Variants in PDZRN3 observed in about 807,000 individuals in gnomAD.
PDZRN3 encodes E3 ubiquitin-protein ligase PDZRN3.
PDZRN3 carries 38 observed loss-of-function variants against 85.7 expected under a neutral mutation model. The ratio of observed to expected loss-of-function variants is 0.44; its 90% confidence interval spans 0.34 to 0.58. The LOEUF is 0.58. Ranked by LOEUF, PDZRN3 falls within the 20% of genes least tolerant of loss-of-function variation. The pLI is 0.01. For synonymous variants in PDZRN3, 759 were observed against 638.0 expected (o/e 1.19, Z -2.86); for missense variants, 1,629 against 1,506.4 (o/e 1.08, Z -1.35).
chr3:73,425,648 G>A (rs1702298934), intron 3 of PDZRN3, among the ~76,000 whole-genome samples: 1 of 151,762 alleles, frequency 6.6e-6, no homozygotes, highest in Non-Finnish European at 1.5e-5. Context: ...GTACTGGGGT[G>A]AAGAGCGAGG....
intron 5 of PDZRN3, among the ~76,000 whole-genome samples, chr3:73,398,504 C>CA (rs1333455208): frequency 6.6e-6 from 1 of 152,202 alleles, no homozygotes; most frequent in Non-Finnish European, 1.5e-5. Flanking sequence ...GTAGTTCCCA[C>CA]ATCTCCTAGG....
chr3:73,528,212 G>A (rs1575711363), intron 3 of PDZRN3, among the ~76,000 whole-genome samples: 1 of 152,298 alleles, frequency 6.6e-6, no homozygotes, highest in South Asian at 2.1e-4. Flanking sequence ...TTGAGCAGCT[G>A]GCTTTAAAAA....
chr3:73,394,648 G>C (rs555332801), intron 5 of PDZRN3, among the ~76,000 whole-genome samples: 2 of 152,336 alleles, frequency 1.3e-5, no homozygotes, highest in South Asian at 4.1e-4. Flanking sequence ...TGTGAGACAG[G>C]ATGGTGTGGG....
At chr3:73,467,972 T>C (rs774482874) in intron 3 of PDZRN3, among the ~76,000 whole-genome samples, 1 of 152,260 alleles carries the variant, frequency 6.6e-6, no homozygotes, top group East Asian at 1.9e-4. Flanking sequence ...CTGTCATTTA[T>C]TGGATAAAGA....
At chr3:73,415,342 C>A (rs775166585) in intron 3 of PDZRN3, among the ~76,000 whole-genome samples, 1 of 152,134 alleles carries the variant, frequency 6.6e-6, no homozygotes, top group African/African-American at 2.4e-5. Flanking sequence ...TGCTGGTGCA[C>A]GTGAGTGGGG....
chr3:73,468,767 G>A (rs993952806), intron 3 of PDZRN3, among the ~76,000 whole-genome samples: 12 of 152,096 alleles, frequency 7.9e-5, no homozygotes, highest in Non-Finnish European at 1.8e-4. Context: ...AGGTTAAGCG[G>A]GAGATCTGGA....
At chr3:73,591,014 C>A (rs1207147475) in intron 3 of PDZRN3, among the ~76,000 whole-genome samples, 41 of 152,144 alleles carry the variant, frequency 2.7e-4, no homozygotes, top group Admixed American at 2.7e-3. Flanking sequence ...AATGATCAAA[C>A]TGATATTTTG....
Position 73,624,721 on chromosome 3 carries a change from G to T in PDZRN3, c.105C>A (p.His35Gln). The T allele has an allele frequency of 6.5e-7, 1 of 1,529,498 alleles. No homozygotes were observed. Among genetic ancestry groups the T allele is most frequent in the Non-Finnish European group, 8.7e-7 (1 of 1,146,368 alleles). The allele number at this position is 1,529,498 out of a possible 1,614,324, so 94.7% of individuals were successfully genotyped here. A position where few individuals can be genotyped will look rare whatever the true frequency, so the allele number is the denominator to read the frequency against. Residue 35 changes from histidine to glutamine, a missense_variant, in exon 1 of 10, where the codon CAC becomes CAA. By Grantham distance (24) the His-to-Gln change is conservative. Transcript: ENST00000263666. The stretch of plus-strand genomic sequence containing the variant: ...GCAGCACGCAGCCGGCGCAGAAGAC[G>T]TGGCCGCACGGCGTGGTCAGCGGGT... ...LEDPLTTPCG[H>Q]VFCAGCVLPW...
intron 3 of PDZRN3, chr3:73,408,281 C>T (rs1369446394): frequency 1.4e-6 from 1 of 698,984 alleles, no homozygotes; most frequent in South Asian, 1.5e-5. Context: ...AATATAGCAT[C>T]ATGCTTTTTA....
At chr3:73,555,185 C>A in intron 3 of PDZRN3, among the ~76,000 whole-genome samples, 1 of 151,972 alleles carries the variant, frequency 6.6e-6, no homozygotes, top group Non-Finnish European at 1.5e-5. Flanking sequence ...ATACCATAAT[C>A]ACTGACATTT....
chr3:73,540,033 TGTCTCTAACGACTTAG>T (rs1704878310), intron 3 of PDZRN3, among the ~76,000 whole-genome samples: 1 of 141,306 alleles, frequency 7.1e-6, no homozygotes, highest in South Asian at 2.2e-4. Context: ...GGAAGTGCCG[TGTCTCTAACGACTTAG>T]ATAAAAGTGA....
intron 1 of PDZRN3, among the ~76,000 whole-genome samples, chr3:73,614,053 TAC>T (rs1176830820): frequency 2.0e-5 from 3 of 152,170 alleles, no homozygotes; most frequent in Admixed American, 1.3e-4. Flanking sequence ...TTCAAGAAGA[TAC>T]AGTTGATTTT....
chr3:73,456,728 T>C (rs931866356), intron 3 of PDZRN3, among the ~76,000 whole-genome samples: 3 of 152,184 alleles, frequency 2.0e-5, no homozygotes, highest in Non-Finnish European at 4.4e-5. Flanking sequence ...GCAAGATACG[T>C]AGGGCTGAAA....
chr3:73,457,264 G>A (rs1053812166), intron 3 of PDZRN3, among the ~76,000 whole-genome samples: 6 of 152,012 alleles, frequency 3.9e-5, no homozygotes, highest in Non-Finnish European at 5.9e-5. Context: ...GTAGAGATGA[G>A]GTTTTACCAC....
chr3:73,596,347 C>T (rs1013368340), intron 3 of PDZRN3, among the ~76,000 whole-genome samples: 1 of 152,196 alleles, frequency 6.6e-6, no homozygotes, highest in African/African-American at 2.4e-5. Context: ...ATCACAATAA[C>T]AGATTCAACC....
chr3:73,393,375 C>T (rs1393013365), intron 5 of PDZRN3, among the ~76,000 whole-genome samples: 3 of 152,168 alleles, frequency 2.0e-5, no homozygotes, highest in South Asian at 2.1e-4. Flanking sequence ...CTACTCAAAG[C>T]GTGCTTCCTG....
chr3:73,448,875 C>G (rs1309589511), intron 3 of PDZRN3, among the ~76,000 whole-genome samples: 1 of 152,116 alleles, frequency 6.6e-6, no homozygotes, highest in Admixed American at 6.6e-5. Context: ...GGACAGGCAC[C>G]TTTTATATTT....
intron 3 of PDZRN3, among the ~76,000 whole-genome samples, chr3:73,588,331 C>T (rs1051306108): frequency 6.6e-6 from 1 of 152,170 alleles, no homozygotes; most frequent in South Asian, 2.1e-4. Flanking sequence ...TCCAGGCTAT[C>T]GTTGATGGGC....
intron 3 of PDZRN3, among the ~76,000 whole-genome samples, chr3:73,601,768 AG>A (rs777184187): frequency 3.3e-5 from 5 of 152,312 alleles, no homozygotes; most frequent in Non-Finnish European, 5.9e-5. Flanking sequence ...GCTGTATAAA[AG>A]TTTGAAATGA....
Sources: gnomAD v4.1 joint callset for allele counts (sites outside exome capture counted in the v4.1 genomes callset) on GRCh38, gnomAD v4.1.1 for gene constraint, MANE v1.5 for transcripts, NCBI Gene and HGNC (gene_info 2026-07-23, HGNC 2026-07-21) for gene names.